PSMC4: variants seen among roughly 807,000 people sequenced by gnomAD.
PSMC4 encodes proteasome 26S subunit, ATPase 4, also known as 26S proteasome regulatory subunit 6B.
In PSMC4, 13 loss-of-function variants were observed where a neutral mutation model predicts 48.4. The ratio of observed to expected loss-of-function variants is 0.27; its 90% CI spans 0.18 to 0.43. The LOEUF is 0.43. PSMC4 is among the 20% of genes least tolerant of loss of function. The probability of loss-of-function intolerance (pLI) is 1.00; values close to 1 mark genes in which losing one functional copy is unlikely to be tolerated. For synonymous variants in PSMC4, 202 were observed against 212.3 expected (o/e 0.95, Z 0.42); for missense variants, 262 against 555.9 (o/e 0.47, Z 5.32).
intron 1 of PSMC4, among the ~76,000 whole-genome samples, chr19:39,971,519 G>C (rs1971101467): frequency 6.6e-6 from 1 of 152,166 alleles, no homozygotes; most frequent in African/African-American, 2.4e-5. Flanking sequence ...TAGTGAGGTC[G>C]GTGGCCCGGC....
At chr19:39,979,764 A>C in intron 6 of PSMC4, 53 bp from the exon 7 acceptor site, 1 of 1,522,080 alleles carries the variant, frequency 6.6e-7, no homozygotes, top group African/African-American at 1.4e-5. Context: ...TTAAAGCAGA[A>C]TGGGCCCCTC....
At chr19:39,976,023 AGGATCACG>A (rs1480794673) in intron 6 of PSMC4, among the ~76,000 whole-genome samples, 1 of 151,858 alleles carries the variant, frequency 6.6e-6, no homozygotes, top group African/African-American at 2.4e-5. Flanking sequence ...CCGAGGTGGG[AGGATCACG>A]AGATCAGGAG....
At chr19:39,981,149 G>T in intron 10 of PSMC4, 43 bp from the exon 11 acceptor site, 1 of 1,492,620 alleles carries the variant, frequency 6.7e-7, no homozygotes, top group Non-Finnish European at 9.3e-7. Flanking sequence ...GAGCCACTGT[G>T]CCCTGCCACA....
intron 1 of PSMC4, 80 bp downstream of exon 1, chr19:39,971,318 A>G: frequency 1.9e-6 from 3 of 1,564,506 alleles, no homozygotes; most frequent in South Asian, 1.1e-5. Context: ...GGGGGGAGGA[A>G]TGGCTTCCAG....
At chr19:39,972,116 T>C (rs1336586867) in intron 1 of PSMC4, 30 bp from the exon 2 acceptor site, 16 of 1,588,294 alleles carry the variant, frequency 1.0e-5, no homozygotes, top group Non-Finnish European at 1.4e-5. Flanking sequence ...GACTGTCTTC[T>C]TCCAATGTGA....
intron 1 of PSMC4, among the ~76,000 whole-genome samples, chr19:39,971,829 G>A (rs1396334734): frequency 6.6e-6 from 1 of 152,126 alleles, no homozygotes; most frequent in African/African-American, 2.4e-5. Context: ...TCTTGAAGGG[G>A]ATTGGGTGGC....
Position 39,974,813 on chromosome 19 carries a change from G to A in PSMC4, c.658G>A (p.Ala220Thr). The change falls in exon 6 of 11, where the codon GCA becomes ACA. Residue 220 changes from alanine (A) to threonine (T), a missense_variant. Physicochemically the swap from Ala to Thr is moderately conservative, Grantham distance 58. Around this residue, in one of 4 missense-constraint regions of PSMC4, gnomAD observed 131 missense variants for 276.7 expected, o/e 0.47. Coordinates refer to ENST00000157812, the MANE Select transcript of PSMC4 (RefSeq NM_006503.4). This position sits in a 1 kb window ranked among gnomAD's most constrained non-coding sequence, Gnocchi z 5.5. ...GAAGACCATGTTGGCAAAGGCGGTGGCACATCACACAACAGGTGAGCCCTT... is the reference window on the plus strand; with the variant it reads ...GAAGACCATGTTGGCAAAGGCGGTGACACATCACACAACAGGTGAGCCCTT... ...CGKTMLAKAV[A>T]HHTTAAFIRV... 6.2e-7 allele frequency: 1 copy of A among 1,613,940 alleles called. No individual in the cohort carries two copies. Among genetic ancestry groups the A allele is most frequent in the Non-Finnish European group, 8.5e-7 (1 of 1,179,902 alleles).
chr19:39,978,155 C>T (rs73545945), intron 6 of PSMC4, among the ~76,000 whole-genome samples: 9,389 of 152,032 alleles, frequency 0.062, 489 homozygotes, highest in East Asian at 0.18. Context: ...CTATTTGTTC[C>T]GGTGACAGCA....
intron 3 of PSMC4, among the ~76,000 whole-genome samples, 163 bp downstream of exon 3, chr19:39,972,718 T>C (rs1296917264): frequency 3.4e-5 from 5 of 147,860 alleles, no homozygotes; most frequent in Admixed American, 6.6e-5. Context: ...TATATACACA[T>C]ATATATATGT....
At position 39,980,193 on chromosome 19, in the gene PSMC4, G is replaced by A. The variant is rs755265837; in HGVS notation, c.918+47G>A. 12 of 1,613,656 alleles carry A rather than the reference G, an allele frequency of 7.4e-6. No individual in the cohort carries two copies. The highest frequency in any genetic ancestry group is 1.0e-5 in the Non-Finnish European group (12 of 1,179,758). On this transcript the variant is annotated intron_variant, in intron 8 of 10. Transcript: ENST00000157812. The surrounding 1 kb of genome is among the most constrained non-coding windows in gnomAD (Gnocchi z 4.8). ...AGGGGAGGTGTGGTGTAGGAACTGG[G>A]GAAAGTTGGGGGCTGGCACCTAAGG...
chr19:39,980,043 G>A lies in PSMC4; in HGVS notation c.842-27G>A, dbSNP rs758683767. ...GACAGGCTTGTCGCATGGGATGCCT[G>A]GGACTGACTGTGCTGTGCACTCTCA... On this transcript the variant is annotated intron_variant, in intron 7 of 10. Transcript: ENST00000157812. This position sits in a 1 kb window ranked among gnomAD's most constrained non-coding sequence, Gnocchi z 4.8. 6 of 1,613,988 alleles carry A rather than the reference G, an allele frequency of 3.7e-6. No homozygotes were observed. Among genetic ancestry groups the A allele is most frequent in the East Asian group, 2.2e-5 (1 of 44,882 alleles).
Position 39,979,884 on chromosome 19 carries a change from C to T in PSMC4, c.741C>T (p.Val247=), listed in dbSNP as rs1971261297. 2.5e-6 allele frequency: 4 copies of T among 1,614,050 alleles called. 1 individual carries two copies. The highest frequency in any genetic ancestry group is 3.4e-6 in the Non-Finnish European group (4 of 1,180,008). ...QKYLGEGPRM[V]RDVFRLAKEN... ...ATCTGGGTGAGGGCCCCCGCATGGTCCGGGATGTGTTCCGCCTGGCCAAGG... is the reference window on the plus strand; with the variant it reads ...ATCTGGGTGAGGGCCCCCGCATGGTTCGGGATGTGTTCCGCCTGGCCAAGG... The change falls in exon 7 of 11, where the codon GTC becomes GTT. Residue 247 remains valine (V), a synonymous_variant. Transcript: ENST00000157812.
At position 39,974,931 on chromosome 19, in the gene PSMC4, G is replaced by A. The variant is rs139939672; in HGVS notation, c.673+103G>A. On this transcript the variant is annotated intron_variant, in intron 6 of 10. Coordinates refer to ENST00000157812, the MANE Select transcript of PSMC4 (RefSeq NM_006503.4). The surrounding 1 kb of genome is among the most constrained non-coding windows in gnomAD (Gnocchi z 5.5). ...CACAGTAATTAGAAACAGACTCTGG[G>A]GTCATAGCCCACGTGTGCATGTTAC... 1.4e-3 allele frequency: 1,581 copies of A among 1,144,932 alleles called. 16 individuals carry two copies. In the African/African-American group the frequency reaches 0.02, roughly 15 times the overall value. 70.9% of individuals were successfully genotyped at this position (1,144,932 alleles called of 1,614,324 possible).
In PSMC4 at chr19:39,971,224, G is replaced by A. The variant is rs202032108; in HGVS notation, c.22G>A (p.Val8Met). The A allele has an allele frequency of 6.2e-7, 1 of 1,614,180 alleles. No homozygotes were observed. Among genetic ancestry groups the A allele is most frequent in the East Asian group, 2.2e-5 (1 of 44,888 alleles). MEEIGIL[V>M]EKAQDEIPAL... ...CACTATGGAGGAGATAGGCATCTTG[G>A]TGGAGAAGGCTCAGGTACAGTGGGG... Residue 8 changes from valine to methionine, a missense_variant, in exon 1 of 11, where the codon GTG becomes ATG. Transcript: ENST00000157812.
chr19:39,972,530 T>C lies in PSMC4; in HGVS notation c.297T>C (p.Asn99=), dbSNP rs1599726056. The change falls in exon 3 of 11, where the codon AAT becomes AAC. Residue 99 remains asparagine (N), a synonymous_variant. Transcript: ENST00000157812. ...AATTTCTGGAGGCTGTGGATCAGAATACAGCCATCGTGGGCTCTACCACAG... is the reference window on the plus strand; with the variant it reads ...AATTTCTGGAGGCTGTGGATCAGAACACAGCCATCGTGGGCTCTACCACAG... The part of the protein sequence containing the change: ...IGQFLEAVDQ[N]TAIVGSTTGS... 1.2e-6 allele frequency: 2 copies of C among 1,613,752 alleles called. 1 individual carries two copies. Among genetic ancestry groups the C allele is most frequent in the Middle Eastern group, 3.3e-4 (2 of 6,062 alleles).
At position 39,974,070 on chromosome 19, in the gene PSMC4, G is replaced by A. The variant is rs1468328795; in HGVS notation, c.323-224G>A. ...TCACTAGTATGAGATGCAGGGGGAG[G>A]CCTGCTGGACAGCCAGGGCTGGATG... is the stretch of plus-strand genomic sequence containing the variant. On this transcript the variant is annotated intron_variant, in intron 3 of 10. Coordinates refer to ENST00000157812, the MANE Select transcript of PSMC4 (RefSeq NM_006503.4). This position sits in a 1 kb window ranked among gnomAD's most constrained non-coding sequence, Gnocchi z 5.5. Among the ~76,000 whole-genome samples the A allele has an allele frequency of 6.6e-6, 1 of 152,160 alleles. No individual in the cohort carries two copies. The highest frequency in any genetic ancestry group is 2.4e-5 in the African/African-American group (1 of 41,438).
intron 6 of PSMC4, among the ~76,000 whole-genome samples, chr19:39,976,666 G>A (rs1408986576): frequency 6.7e-6 from 1 of 148,982 alleles, no homozygotes; most frequent in Non-Finnish European, 1.5e-5. Context: ...CCGCCACCAC[G>A]CCCGGCTAAT....
At chr19:39,978,030 G>T (rs186436873) in intron 6 of PSMC4, among the ~76,000 whole-genome samples, 1 of 152,128 alleles carries the variant, frequency 6.6e-6, no homozygotes, top group East Asian at 1.9e-4. Flanking sequence ...TTGCTATGTT[G>T]CCCAGGCTGG....
chr19:39,981,469 C>T lies in PSMC4; in HGVS notation c.*164C>T, dbSNP rs1481310474. 4 of 579,514 alleles carry T rather than the reference C, an allele frequency of 6.9e-6. No homozygotes were observed. The highest frequency in any genetic ancestry group is 1.2e-5 in the Non-Finnish European group (4 of 324,082). The allele number at this position is 579,514 out of a possible 1,614,324, so 35.9% of individuals were successfully genotyped here. A position where few individuals can be genotyped will look rare whatever the true frequency, so the allele number is the denominator to read the frequency against. ...TAATTTCTTCTTAGAAGTTTAACTC[C>T]TTTGGAGAATGTGGGCCTTGAATAG... On this transcript the variant is annotated 3_prime_UTR_variant, in exon 11 of 11. Coordinates refer to ENST00000157812, the MANE Select transcript of PSMC4 (RefSeq NM_006503.4).
Sources: allele counts gnomAD v4.1 joint callset (sites outside exome capture counted in the v4.1 genomes callset), GRCh38; gene constraint gnomAD v4.1.1; regional missense constraint gnomAD v4.1.1; non-coding constraint Gnocchi (gnomAD v3.1); transcripts MANE v1.5; gene names NCBI Gene and HGNC (gene_info 2026-07-23, HGNC 2026-07-21).